The following B3GNT2 variants were observed in gnomAD, a reference collection of about 807,000 sequenced individuals.
B3GNT2 encodes N-acetyllactosaminide beta-1,3-N-acetylglucosaminyltransferase 2.
In B3GNT2, 12 loss-of-function variants were observed where a neutral mutation model predicts 27.6. The ratio of observed to expected loss-of-function variants is 0.44; its 90% CI spans 0.28 to 0.71. B3GNT2 has a LOEUF of 0.71. B3GNT2 is among the 30% of genes least tolerant of loss of function. The pLI is 0.17. For missense variants in B3GNT2, 413 were observed against 488.5 expected, an observed-to-expected ratio of 0.85 and a Z score of 1.46; for synonymous variants, 192 against 189.7, an observed-to-expected ratio of 1.01 and a Z score of -0.10.
intron 1 of B3GNT2, chr2:62,221,926 G>C (rs1476156942): frequency 1.9e-6 from 1 of 533,856 alleles, no homozygotes; most frequent in Non-Finnish European, 3.5e-6. Context: ...TGCTTGCTGT[G>C]AGCCACGCGC....
rs1674768698 is a variant in B3GNT2, at chr2:62,223,652, G to T, written c.*238G>T. 2.6e-6 allele frequency: 1 copy of T among 387,404 alleles called. No homozygotes were observed. The allele number at this position is 387,404 out of a possible 1,614,324, so 24.0% of individuals were successfully genotyped here. On this transcript the variant is annotated 3_prime_UTR_variant, in exon 2 of 2. Transcript: ENST00000301998. ...ATTGGTTCTGATCTTACCGGCTAGT[G>T]GTCATTTTTAAAAAACTTGTACCCT...
intron 1 of B3GNT2, among the ~76,000 whole-genome samples, chr2:62,197,035 A>G (rs538494660): frequency 6.6e-6 from 1 of 152,242 alleles, no homozygotes; most frequent in South Asian, 2.1e-4. Context: ...ACCTTTTAAA[A>G]AAAATATTCC....
In B3GNT2 at chr2:62,223,978, G is replaced by A. The variant is rs1674776002; in HGVS notation, c.*564G>A. On this transcript the variant is annotated 3_prime_UTR_variant, in exon 2 of 2. Transcript: ENST00000301998. ...TTCCTGCCACCCCAACAGTATTTTTGTGTGTTAATTAATTTTGCAAAATGA... is the reference window on the plus strand; with the variant it reads ...TTCCTGCCACCCCAACAGTATTTTTATGTGTTAATTAATTTTGCAAAATGA... 2 of 167,158 alleles carry A rather than the reference G, an allele frequency of 1.2e-5. No homozygotes were observed. The highest frequency in any genetic ancestry group is 6.5e-5 in the Admixed American group (1 of 15,288). 10.4% of individuals were successfully genotyped at this position (167,158 alleles called of 1,614,324 possible). A position where few individuals can be genotyped will look rare whatever the true frequency, so the allele number is the denominator to read the frequency against.
rs1573274064 is a variant in B3GNT2, at chr2:62,222,543, G to T, written c.323G>T (p.Gly108Val). 1 of 1,614,024 alleles carries T rather than the reference G, an allele frequency of 6.2e-7. No homozygotes were observed. The change falls in exon 2 of 2, where the codon GGT (glycine) becomes GTT (valine). Residue 108 changes from glycine to valine, a missense_variant. Gly to Val is a moderately radical substitution (Grantham distance 109, BLOSUM62 -3). Coordinates refer to ENST00000301998, the MANE Select transcript of B3GNT2 (RefSeq NM_006577.6). This position sits in a 1 kb window ranked among gnomAD's most constrained non-coding sequence, Gnocchi z 4.2. ...PDLRVTSVVT[G>V]FNNLPDRFKD... ...CTGAGGGTCACGTCGGTGGTTACGG[G>T]TTTTAACAACTTGCCGGACAGATTT...
In B3GNT2 at chr2:62,223,967, A is replaced by G. The variant is rs910689114; in HGVS notation, c.*553A>G. On this transcript the variant is annotated 3_prime_UTR_variant, in exon 2 of 2. Transcript: ENST00000301998. ...ATTGTGGAAATTTCCTGCCACCCCA[A>G]CAGTATTTTTGTGTGTTAATTAATT... 6.0e-6 allele frequency: 1 copy of G among 167,350 alleles called. No homozygotes were observed. Among genetic ancestry groups the G allele is most frequent in the African/African-American group, 2.4e-5 (1 of 41,434 alleles). 10.4% of individuals were successfully genotyped at this position (167,350 alleles called of 1,614,324 possible). A position where few individuals can be genotyped will look rare whatever the true frequency, so the allele number is the denominator to read the frequency against.
intron 1 of B3GNT2, among the ~76,000 whole-genome samples, chr2:62,220,158 A>T (rs992024677): frequency 2.6e-5 from 4 of 152,326 alleles, no homozygotes; most frequent in Admixed American, 1.3e-4. Flanking sequence ...CAAGGAAGGG[A>T]TCAGTTTTAT....
At position 62,223,478 on chromosome 2, in the gene B3GNT2, C is replaced by T. The variant is rs892493686; in HGVS notation, c.*64C>T. The T allele has an allele frequency of 4.5e-5, 61 of 1,352,826 alleles. No individual in the cohort carries two copies. The East Asian group carries it at 1.1e-3, about 25-fold the overall frequency. 83.8% of individuals were successfully genotyped at this position (1,352,826 alleles called of 1,614,324 possible). A position where few individuals can be genotyped will look rare whatever the true frequency, so the allele number is the denominator to read the frequency against. On this transcript the variant is annotated 3_prime_UTR_variant, in exon 2 of 2. Transcript: ENST00000301998. ...TTGAATAGTTCCCATGTTGTGTTCT[C>T]ACATTAGAGTAATTTCTATATTAAA...
intron 1 of B3GNT2, among the ~76,000 whole-genome samples, chr2:62,207,197 T>A (rs530097025): frequency 2.2e-3 from 332 of 152,178 alleles, no homozygotes; most frequent in African/African-American, 7.8e-3. Flanking sequence ...TTTTTTTTTT[T>A]AAGACAGGGT....
At position 62,223,383 on chromosome 2, in the gene B3GNT2, C is replaced by T. The variant is rs1674761391; in HGVS notation, c.1163C>T (p.Ser388Phe). The T allele has an allele frequency of 6.2e-7, 1 of 1,612,874 alleles. No individual in the cohort carries two copies. Among genetic ancestry groups the T allele is most frequent in the African/African-American group, 1.3e-5 (1 of 74,912 alleles). The change falls in exon 2 of 2, where the codon TCT (serine) becomes TTT (phenylalanine). Residue 388 changes from serine to phenylalanine, a missense_variant. By Grantham distance (155) the Ser-to-Phe change is radical (BLOSUM62 -2). Transcript: ENST00000301998. ...RKPQEMIDIW[S>F]QLQSAHLKC The stretch of plus-strand genomic sequence containing the variant: ...CCTCAAGAGATGATTGATATTTGGT[C>T]TCAGTTGCAGAGTGCTCATTTAAAA...
intron 1 of B3GNT2, among the ~76,000 whole-genome samples, chr2:62,209,176 A>G (rs904555448): frequency 1.3e-5 from 2 of 152,060 alleles, no homozygotes; most frequent in African/African-American, 4.8e-5. Context: ...TTCTGTTTTT[A>G]TGTTGATAGC....
chr2:62,220,014 C>T (rs1674656966), intron 1 of B3GNT2, among the ~76,000 whole-genome samples: 1 of 152,182 alleles, frequency 6.6e-6, no homozygotes, highest in Non-Finnish European at 1.5e-5. Flanking sequence ...TTGGGGAAGT[C>T]AAAGATCTTG....
chr2:62,207,334 G>A (rs1236950552), intron 1 of B3GNT2, among the ~76,000 whole-genome samples: 1 of 152,130 alleles, frequency 6.6e-6, no homozygotes, highest in Non-Finnish European at 1.5e-5. Context: ...CATGCTACAG[G>A]CCACCATGCC....
intron 1 of B3GNT2, among the ~76,000 whole-genome samples, chr2:62,221,256 C>T (rs1319897980): frequency 2.0e-5 from 3 of 152,160 alleles, no homozygotes; most frequent in Non-Finnish European, 2.9e-5. Context: ...CTTTCTATTG[C>T]CGAGGGGATA....
chr2:62,220,002 A>G (rs575944429), intron 1 of B3GNT2, among the ~76,000 whole-genome samples: 142 of 152,230 alleles, frequency 9.3e-4, no homozygotes, highest in Non-Finnish European at 1.5e-3. Flanking sequence ...CTACAGGAGC[A>G]CTTGGGGAAG....
intron 1 of B3GNT2, chr2:62,221,846 G>A: frequency 1.9e-6 from 1 of 526,650 alleles, no homozygotes; most frequent in Non-Finnish European, 3.8e-6. Flanking sequence ...CAAGGAAGTT[G>A]AACTCTCCTG....
intron 1 of B3GNT2, among the ~76,000 whole-genome samples, chr2:62,217,304 G>A (rs1268224694): frequency 6.6e-6 from 1 of 152,176 alleles, no homozygotes; most frequent in Non-Finnish European, 1.5e-5. Context: ...ATCATTGCCT[G>A]GGTTTGAGTC....
Position 62,223,050 on chromosome 2 carries a change from A to G in B3GNT2, c.830A>G (p.His277Arg), listed in dbSNP as rs1161509570. 6.2e-7 allele frequency: 1 copy of G among 1,614,256 alleles called. No individual in the cohort carries two copies. Among genetic ancestry groups the G allele is most frequent in the Non-Finnish European group, 8.5e-7 (1 of 1,180,042 alleles). The change falls in exon 2 of 2, where the codon CAC becomes CGC. Residue 277 changes from histidine to arginine, a missense_variant. Transcript: ENST00000301998. ...AKDLFIGDVI[H>R]NAGPHRDKKL... Reference sequence around the variant, plus strand: ...GATCTCTTCATAGGTGATGTGATCCACAATGCTGGACCTCATCGGGATAAG... The same window carrying G: ...GATCTCTTCATAGGTGATGTGATCCGCAATGCTGGACCTCATCGGGATAAG...
intron 1 of B3GNT2, among the ~76,000 whole-genome samples, chr2:62,202,929 G>C (rs1674297333): frequency 6.6e-6 from 1 of 152,060 alleles, no homozygotes. Context: ...TCTGGCCTTT[G>C]TGGTGACTGC....
rs1573276095 is a variant in B3GNT2, at chr2:62,224,653, T to C, written c.*1239T>C. 1 of 167,142 alleles carries C rather than the reference T, an allele frequency of 6.0e-6. No homozygotes were observed. Among genetic ancestry groups the C allele is most frequent in the African/African-American group, 2.4e-5 (1 of 41,474 alleles). The allele number at this position is 167,142 out of a possible 1,614,324, so 10.4% of individuals were successfully genotyped here. A position where few individuals can be genotyped will look rare whatever the true frequency, so the allele number is the denominator to read the frequency against. ...GTAACATACTTTCTTGAAATATTTT[T>C]GTTTATAGAATTGAAGGTTCTTATC... On this transcript the variant is annotated 3_prime_UTR_variant, in exon 2 of 2. Coordinates refer to ENST00000301998, the MANE Select transcript of B3GNT2 (RefSeq NM_006577.6).
Sources: gnomAD v4.1 joint callset for allele counts (sites outside exome capture counted in the v4.1 genomes callset) on GRCh38, gnomAD v4.1.1 for gene constraint, Gnocchi (gnomAD v3.1) non-coding constraint, MANE v1.5 for transcripts, NCBI Gene and HGNC (gene_info 2026-07-23, HGNC 2026-07-21) for gene names.